Variants in CEP112 observed in about 807,000 individuals in gnomAD.
CEP112 encodes centrosomal protein 112, also known as centrosomal protein of 112 kDa.
Under a neutral mutation model 153.0 loss-of-function variants are expected in CEP112, and 127 were observed. That is an observed-to-expected ratio of 0.83 (90% CI 0.72 to 0.96). The LOEUF is 0.96. CEP112 is among the 40% of genes least tolerant of loss of function. CEP112 has a pLI of 0.00. For missense variants in CEP112, 1,089 were observed against 1,101.2 expected (o/e 0.99, Z 0.16); for synonymous variants, 358 against 374.4 (o/e 0.96, Z 0.51).
intron 21 of CEP112, among the ~76,000 whole-genome samples, chr17:65,763,472 T>A (rs539463346): frequency 6.6e-6 from 1 of 152,078 alleles, no homozygotes; most frequent in South Asian, 2.1e-4. Context: ...TGTAGATGTC[T>A]CAACTACAAA....
chr17:66,092,566 C>G (rs1212284527), intron 8 of CEP112, among the ~76,000 whole-genome samples: 1 of 151,870 alleles, frequency 6.6e-6, no homozygotes, highest in Non-Finnish European at 1.5e-5. Context: ...AAGAAAACAA[C>G]AAGAAAGGAA....
intron 4 of CEP112, among the ~76,000 whole-genome samples, chr17:66,151,773 T>C (rs921450082): frequency 2.6e-5 from 4 of 152,244 alleles, no homozygotes; most frequent in South Asian, 4.1e-4. Context: ...TGAGTGAGAA[T>C]AGAAGTGGAT....
Position 66,175,168 on chromosome 17 carries a change from G to C in CEP112, c.346C>G (p.Pro116Ala), listed in dbSNP as rs2072418903. Residue 116 changes from proline to alanine, a missense_variant, in exon 4 of 27, where the codon CCA becomes GCA. By Grantham distance (27) the Pro-to-Ala change is conservative. Coordinates refer to ENST00000535342, the MANE Select transcript of CEP112 (RefSeq NM_001199165.4). ...PNPARAKGSS[P>A]EGLPAWVLGE... ...AGTACCCAGGCTGGTAATCCCTCTGGGCTTGAACCTTTTGCTCGTGCTGGA... is the reference window on the plus strand; with the variant it reads ...AGTACCCAGGCTGGTAATCCCTCTGCGCTTGAACCTTTTGCTCGTGCTGGA... 1.2e-6 allele frequency: 2 copies of C among 1,609,550 alleles called. No individual in the cohort carries two copies. The highest frequency in any genetic ancestry group is 2.2e-5 in the South Asian group (2 of 90,122).
At chr17:65,987,538 C>T (rs973098320) in intron 17 of CEP112, among the ~76,000 whole-genome samples, 1 of 152,134 alleles carries the variant, frequency 6.6e-6, no homozygotes, top group East Asian at 1.9e-4. Flanking sequence ...TTACTGTATC[C>T]TAGCACAAAC....
At chr17:65,778,570 G>A (rs2053818166) in intron 21 of CEP112, among the ~76,000 whole-genome samples, 1 of 151,950 alleles carries the variant, frequency 6.6e-6, no homozygotes, top group African/African-American at 2.4e-5. Context: ...CTTAGTAGTT[G>A]CTTGAAAAAT....
intron 4 of CEP112, among the ~76,000 whole-genome samples, chr17:66,137,095 A>T (rs186654250): frequency 2.1e-3 from 325 of 152,302 alleles, no homozygotes; most frequent in African/African-American, 7.6e-3. Flanking sequence ...CAAAATATTC[A>T]ATAAGCTTAG....
intron 20 of CEP112, among the ~76,000 whole-genome samples, chr17:65,870,946 G>A (rs939367217): frequency 3.3e-5 from 5 of 152,132 alleles, no homozygotes; most frequent in Non-Finnish European, 7.3e-5. Flanking sequence ...CCCTTTCCAG[G>A]GAAGCAGAGT....
intron 21 of CEP112, among the ~76,000 whole-genome samples, chr17:65,814,575 T>C (rs937799268): frequency 3.3e-5 from 5 of 152,178 alleles, no homozygotes; most frequent in Admixed American, 6.5e-5. Context: ...GTATTATTAG[T>C]AAGGATAATT....
At chr17:66,172,565 T>C (rs1281323714) in intron 4 of CEP112, among the ~76,000 whole-genome samples, 1 of 152,226 alleles carries the variant, frequency 6.6e-6, no homozygotes, top group African/African-American at 2.4e-5. Context: ...GGGATTTTAC[T>C]ATGGTTCCAT....
chr17:65,973,817 T>C (rs140052548), intron 17 of CEP112, among the ~76,000 whole-genome samples: 73 of 152,328 alleles, frequency 4.8e-4, no homozygotes, highest in African/African-American at 1.7e-3. Context: ...TATATCTTTT[T>C]TGAATTGGTA....
At chr17:65,735,133 G>T (rs1005610624) in intron 23 of CEP112, among the ~76,000 whole-genome samples, 3 of 152,026 alleles carry the variant, frequency 2.0e-5, no homozygotes, top group Non-Finnish European at 2.9e-5. Context: ...TCACAGTGGT[G>T]GTATTAGTTT....
chr17:66,146,759 C>T (rs1053302997), intron 4 of CEP112, among the ~76,000 whole-genome samples: 3 of 152,066 alleles, frequency 2.0e-5, no homozygotes, highest in African/African-American at 7.2e-5. Flanking sequence ...ATAAGTTAAA[C>T]GGTATCTGTC....
At chr17:66,108,022 A>C (rs568116491) in intron 6 of CEP112, among the ~76,000 whole-genome samples, 6 of 152,256 alleles carry the variant, frequency 3.9e-5, no homozygotes, top group African/African-American at 1.4e-4. Context: ...TTTTTGACAA[A>C]GATCACAAGA....
chr17:66,053,417 G>A (rs2066528230), intron 12 of CEP112, among the ~76,000 whole-genome samples: 1 of 152,116 alleles, frequency 6.6e-6, no homozygotes, highest in Admixed American at 6.6e-5. Flanking sequence ...AACCCAGGAG[G>A]CGGAGGTTGC....
intron 19 of CEP112, among the ~76,000 whole-genome samples, chr17:65,905,668 G>A (rs922673412): frequency 3.9e-5 from 6 of 152,158 alleles, no homozygotes; most frequent in Non-Finnish European, 7.4e-5. Flanking sequence ...GGTGGCTCAT[G>A]CCTGTAATCC....
intron 25 of CEP112, among the ~76,000 whole-genome samples, chr17:65,640,154 A>ATATATTTTTTTT (rs1300751452): frequency 2.6e-5 from 2 of 78,346 alleles, no homozygotes; most frequent in African/African-American, 1.4e-4. Flanking sequence ...ATATATATAT[A>ATATATTTTTTTT]TTTTTTTTTT....
At chr17:66,011,804 ATACTG>A (rs1278593341) in intron 16 of CEP112, among the ~76,000 whole-genome samples, 1 of 152,134 alleles carries the variant, frequency 6.6e-6, no homozygotes, top group East Asian at 1.9e-4. Context: ...CATTTGACTA[ATACTG>A]TCAGTGGGGT....
At chr17:65,973,613 G>C (rs1454142016) in intron 17 of CEP112, among the ~76,000 whole-genome samples, 2 of 152,244 alleles carry the variant, frequency 1.3e-5, no homozygotes, top group Middle Eastern at 3.4e-3. Context: ...CAAGTTTTGG[G>C]AAAGATGTGG....
At chr17:65,936,233 C>G (rs921605521) in intron 18 of CEP112, among the ~76,000 whole-genome samples, 5 of 152,128 alleles carry the variant, frequency 3.3e-5, no homozygotes, top group African/African-American at 1.2e-4. Flanking sequence ...ACTAAGGAGA[C>G]TGAATCATTA....
Sources: gnomAD v4.1 joint callset for allele counts (sites outside exome capture counted in the v4.1 genomes callset) on GRCh38, gnomAD v4.1.1 for gene constraint, MANE v1.5 for transcripts, NCBI Gene and HGNC (gene_info 2026-07-23, HGNC 2026-07-21) for gene names.